The following PLBD1 variants were observed in gnomAD, a reference collection of about 807,000 sequenced individuals.
PLBD1 encodes the protein phospholipase B domain containing 1.
A neutral mutation model predicts 63.0 loss-of-function variants in PLBD1; 60 were observed. That is an observed-to-expected ratio of 0.95 (90% CI 0.77 to 1.18). The LOEUF (loss-of-function observed/expected upper bound fraction) is 1.18. Ranked by LOEUF, PLBD1 falls within the 50% of genes most tolerant of loss-of-function variation. The pLI is 0.00. For synonymous variants in PLBD1, 262 were observed against 248.0 expected, an observed-to-expected ratio of 1.06 and a Z score of -0.53; for missense variants, 598 against 677.9, an observed-to-expected ratio of 0.88 and a Z score of 1.31.
rs375173871 is a variant in PLBD1, at chr12:14,516,295, C to T, written c.845-4584G>A. Among the ~76,000 whole-genome samples the T allele has an allele frequency of 4.6e-5, 7 of 152,280 alleles. No homozygotes were observed. In the East Asian group the frequency reaches 7.7e-4, roughly 17 times the overall value. ...AGTGAGCCGAGATCGCGCCATTGCA[C>T]TCTAGCCTCGGTGACAGAGCGACAC... On this transcript the variant is annotated intron_variant, in intron 6 of 10. Coordinates refer to ENST00000240617, the MANE Select transcript of PLBD1 (RefSeq NM_024829.6).
At chr12:14,553,089 C>T in intron 2 of PLBD1, 104 bp downstream of exon 2, 1 of 1,024,982 alleles carries the variant, frequency 9.8e-7, no homozygotes, top group Non-Finnish European at 1.5e-6. Flanking sequence ...ACTCCAGCTA[C>T]TCTTCAGTTC....
intron 4 of PLBD1, among the ~76,000 whole-genome samples, chr12:14,540,320 A>C (rs12298499): frequency 3.1e-3 from 464 of 151,816 alleles, no homozygotes; most frequent in African/African-American, 0.01. Context: ...TGGAAGCCTT[A>C]GTGATTCAGT....
chr12:14,509,769 T>A (rs1945282435), intron 8 of PLBD1, among the ~76,000 whole-genome samples: 1 of 152,170 alleles, frequency 6.6e-6, no homozygotes, highest in African/African-American at 2.4e-5. Flanking sequence ...ACTAGTCTCT[T>A]TTCTTCCCAC....
chr12:14,543,500 C>T (rs990460915), intron 2 of PLBD1, among the ~76,000 whole-genome samples: 5 of 152,214 alleles, frequency 3.3e-5, no homozygotes, highest in East Asian at 1.9e-4. Flanking sequence ...GGGCAGATCA[C>T]GAGGTCAGGA....
In PLBD1 at chr12:14,542,252, C is replaced by T; in HGVS notation, c.375G>A (p.Leu125=). ...NDHYTNLYPQ[L]ITKPSIMDKV... ...TATCCATGATGGAAGGTTTCGTGAT[C>T]AGCTGTGGGTAGAGGTTTGTGTAGT... The change falls in exon 3 of 11, where the codon CTG becomes CTA. Residue 125 remains leucine (L), a synonymous_variant. Transcript: ENST00000240617. 1 of 1,611,236 alleles carries T rather than the reference C, an allele frequency of 6.2e-7. No homozygotes were observed. The highest frequency in any genetic ancestry group is 8.5e-7 in the Non-Finnish European group (1 of 1,177,418).
intron 1 of PLBD1, among the ~76,000 whole-genome samples, chr12:14,565,259 A>C (rs1298309761): frequency 6.6e-6 from 1 of 152,120 alleles, no homozygotes; most frequent in Non-Finnish European, 1.5e-5. Context: ...TGAGGCCAGG[A>C]GTTCGAGACT....
At position 14,567,778 on chromosome 12, in the gene PLBD1, G is replaced by A; in HGVS notation, c.-82C>T. 1 of 1,363,940 alleles carries A rather than the reference G, an allele frequency of 7.3e-7. No individual in the cohort carries two copies. Among genetic ancestry groups the A allele is most frequent in the East Asian group, 3.1e-5 (1 of 32,466 alleles). 84.5% of individuals were successfully genotyped at this position (1,363,940 alleles called of 1,614,324 possible). ...GGCAGAAGTTGCAAGAGAGGCTCCT[G>A]GCCTACTCAGGGGCGCCGCCTCTCC... On this transcript the variant is annotated 5_prime_UTR_variant, in exon 1 of 11. Coordinates refer to ENST00000240617, the MANE Select transcript of PLBD1 (RefSeq NM_024829.6).
At chr12:14,539,020 CTAAA>C (rs377307632) in intron 4 of PLBD1, among the ~76,000 whole-genome samples, 6 of 151,808 alleles carry the variant, frequency 4.0e-5, no homozygotes, top group Non-Finnish European at 7.4e-5. Context: ...GGCTCTGTCT[CTAAA>C]TAAATAAATA....
chr12:14,504,013 C>G, intron 10 of PLBD1, 59 bp from the exon 11 acceptor site: 2 of 1,484,968 alleles, frequency 1.3e-6, no homozygotes, highest in Admixed American at 1.9e-5. Flanking sequence ...AAAATTAAAT[C>G]CATGGCCTTC....
chr12:14,560,040 A>G (rs1945734221), intron 1 of PLBD1, among the ~76,000 whole-genome samples: 1 of 152,006 alleles, frequency 6.6e-6, no homozygotes, highest in Non-Finnish European at 1.5e-5. Context: ...TTGTATTTTT[A>G]GTACAGACAG....
intron 6 of PLBD1, among the ~76,000 whole-genome samples, chr12:14,512,912 C>G (rs553666030): frequency 6.6e-6 from 1 of 152,300 alleles, no homozygotes; most frequent in East Asian, 1.9e-4. Context: ...CTGAGTCTTC[C>G]AGTCCCTTCA....
intron 2 of PLBD1, among the ~76,000 whole-genome samples, chr12:14,546,364 T>C (rs956019889): frequency 1.3e-5 from 2 of 151,630 alleles, no homozygotes; most frequent in African/African-American, 4.8e-5. Flanking sequence ...ATGAAAATAG[T>C]TTTATTTATT....
chr12:14,525,617 C>T lies in PLBD1; in HGVS notation c.844+10042G>A, dbSNP rs935318116. ...AGCTAGCCCACGACAAAGCTGAAGT[C>T]ACCAAAAATCTAAATGCAGAAAAAA... On this transcript the variant is annotated intron_variant, in intron 6 of 10. Transcript: ENST00000240617. Among the ~76,000 whole-genome samples, 4 of 151,836 alleles carry T rather than the reference C, an allele frequency of 2.6e-5. No individual in the cohort carries two copies. In the South Asian group the frequency reaches 8.3e-4, roughly 32 times the overall value.
intron 1 of PLBD1, chr12:14,553,647 C>T: frequency 3.5e-6 from 2 of 568,380 alleles, no homozygotes. Flanking sequence ...GGTGTAGCTA[C>T]AGCATCATAG....
intron 6 of PLBD1, among the ~76,000 whole-genome samples, chr12:14,530,768 A>AT (rs1197112539): frequency 6.6e-6 from 1 of 152,156 alleles, no homozygotes; most frequent in East Asian, 1.9e-4. Flanking sequence ...TTTTCTAGTG[A>AT]TTTATCTCTT....
In PLBD1 at chr12:14,507,008, G is replaced by T. The variant is rs751310609; in HGVS notation, c.1297C>A (p.Arg433=). The T allele has an allele frequency of 6.2e-7, 1 of 1,613,982 alleles. No homozygotes were observed. The highest frequency in any genetic ancestry group is 8.5e-7 in the Non-Finnish European group (1 of 1,179,960). ...GLDYSYDLAP[R]AKIFRRDQGK... ...TGGTCACGCCGGAAAATTTTGGCTC[G>T]TGGAGCTAAATCATAAGAGTAGTCC... The change falls in exon 9 of 11, where the codon CGA becomes AGA. Residue 433 remains arginine (R), a synonymous_variant. Coordinates refer to ENST00000240617, the MANE Select transcript of PLBD1 (RefSeq NM_024829.6).
intron 4 of PLBD1, among the ~76,000 whole-genome samples, chr12:14,540,106 T>TTTTATATATATATATA (rs71448876): frequency 0.062 from 3,970 of 63,788 alleles, 567 homozygotes; most frequent in Admixed American, 0.095. Context: ...AATATAAATA[T>TTTTATATATATATATA]TATTTATATA....
At chr12:14,515,135 AACAC>A (rs1413963206) in intron 6 of PLBD1, among the ~76,000 whole-genome samples, 1 of 152,222 alleles carries the variant, frequency 6.6e-6, no homozygotes, top group African/African-American at 2.4e-5. Flanking sequence ...ACAGTTACTC[AACAC>A]ACACCATGGA....
chr12:14,536,255 C>T (rs1945513683), intron 5 of PLBD1: 2 of 279,566 alleles, frequency 7.2e-6, no homozygotes, highest in Non-Finnish European at 6.8e-6. Flanking sequence ...GGCAAGCTCA[C>T]ACCACTGCAC....
Sources: gnomAD v4.1 joint callset for allele counts (sites outside exome capture counted in the v4.1 genomes callset) on GRCh38, gnomAD v4.1.1 for gene constraint, MANE v1.5 for transcripts, NCBI Gene and HGNC (gene_info 2026-07-23, HGNC 2026-07-21) for gene names.